EPHA6: variants seen among roughly 807,000 people sequenced by gnomAD.
EPHA6 encodes the protein ephrin type-A receptor 6.
In EPHA6, 50 loss-of-function variants were observed where a neutral mutation model predicts 112.0. The ratio of observed to expected loss-of-function variants is 0.45; its 90% CI spans 0.36 to 0.56. EPHA6 has a LOEUF of 0.56. EPHA6 is among the 20% of genes least tolerant of loss of function. The probability of loss-of-function intolerance (pLI) is 0.00; values close to 1 mark genes in which losing one functional copy is unlikely to be tolerated. For synonymous variants in EPHA6, 529 were observed against 490.7 expected (o/e 1.08, Z -1.03); for missense variants, 1,280 against 1,417.4 (o/e 0.90, Z 1.56).
chr3:97,716,525 G>C (rs1228554394), intron 14 of EPHA6, among the ~76,000 whole-genome samples: 1 of 115,996 alleles, frequency 8.6e-6, no homozygotes, highest in Non-Finnish European at 1.5e-5. Context: ...CCGAGATTGC[G>C]CCACTGCAGT....
chr3:97,514,395 A>G (rs891056651), intron 10 of EPHA6, among the ~76,000 whole-genome samples: 14 of 152,170 alleles, frequency 9.2e-5, no homozygotes, highest in African/African-American at 3.4e-4. Flanking sequence ...CGCTGAACCT[A>G]CTTGGATAAT....
chr3:97,158,815 G>T (rs747108768), intron 3 of EPHA6, among the ~76,000 whole-genome samples: 16 of 152,142 alleles, frequency 1.1e-4, no homozygotes, highest in Non-Finnish European at 2.1e-4. Context: ...TGGGCTGGAG[G>T]TGACTGCACC....
intron 1 of EPHA6, among the ~76,000 whole-genome samples, chr3:96,829,983 A>ACG (rs2033948044): frequency 7.2e-6 from 1 of 139,058 alleles, no homozygotes; most frequent in Non-Finnish European, 1.6e-5. Context: ...ACACACACAC[A>ACG]CACACAGAAA....
intron 2 of EPHA6, among the ~76,000 whole-genome samples, chr3:96,974,245 CAT>C (rs913839847): frequency 2.7e-5 from 4 of 147,310 alleles, no homozygotes; most frequent in African/African-American, 9.9e-5. Context: ...ATTATTATAA[CAT>C]AAAATTTTAA....
At chr3:97,726,886 G>T (rs2034795161) in intron 15 of EPHA6, among the ~76,000 whole-genome samples, 1 of 151,938 alleles carries the variant, frequency 6.6e-6, no homozygotes, top group African/African-American at 2.4e-5. Context: ...TCCCCACAGA[G>T]CTCATATGTA....
At chr3:97,470,991 T>C (rs971896295) in intron 7 of EPHA6, among the ~76,000 whole-genome samples, 3 of 151,652 alleles carry the variant, frequency 2.0e-5, no homozygotes, top group Admixed American at 6.6e-5. Context: ...GAGTAAACGA[T>C]ACATTTTTCT....
chr3:97,170,081 G>A (rs910449833), intron 3 of EPHA6, among the ~76,000 whole-genome samples: 3 of 150,532 alleles, frequency 2.0e-5, no homozygotes, highest in Admixed American at 1.3e-4. Flanking sequence ...GTATGCCTAT[G>A]TAACAAACCT....
At chr3:96,932,750 A>T (rs1025671593) in intron 2 of EPHA6, among the ~76,000 whole-genome samples, 3 of 152,202 alleles carry the variant, frequency 2.0e-5, no homozygotes, top group Admixed American at 6.5e-5. Context: ...GTTCACCACC[A>T]TCTCTAAAAT....
At chr3:97,273,217 T>C (rs1465747574) in intron 5 of EPHA6, among the ~76,000 whole-genome samples, 2 of 152,000 alleles carry the variant, frequency 1.3e-5, no homozygotes, top group South Asian at 4.2e-4. Context: ...AATTAGAGAG[T>C]GCCTAAGGAG....
At chr3:97,469,900 G>A (rs944063695) in intron 7 of EPHA6, among the ~76,000 whole-genome samples, 2 of 151,688 alleles carry the variant, frequency 1.3e-5, no homozygotes, top group Non-Finnish European at 3.0e-5. Flanking sequence ...CCTCACAGTA[G>A]GCTGTGTCAC....
At chr3:96,819,756 C>T (rs572323496) in intron 1 of EPHA6, among the ~76,000 whole-genome samples, 102 of 151,814 alleles carry the variant, frequency 6.7e-4, no homozygotes, top group Non-Finnish European at 1.1e-3. Context: ...GACATTTAAA[C>T]AAACTGAAGA....
At chr3:97,200,532 C>T (rs992918487) in intron 3 of EPHA6, among the ~76,000 whole-genome samples, 1 of 152,078 alleles carries the variant, frequency 6.6e-6, no homozygotes, top group Non-Finnish European at 1.5e-5. Flanking sequence ...GTGGTTTCAA[C>T]CTGGCAACCT....
chr3:97,113,837 A>T (rs1479330015), intron 3 of EPHA6, among the ~76,000 whole-genome samples: 1 of 152,110 alleles, frequency 6.6e-6, no homozygotes, highest in Non-Finnish European at 1.5e-5. Flanking sequence ...CTTTTTTCTT[A>T]TAATTCAGCT....
intron 3 of EPHA6, among the ~76,000 whole-genome samples, chr3:97,224,923 A>ATT: frequency 6.9e-6 from 1 of 145,344 alleles, no homozygotes; most frequent in East Asian, 2.0e-4. Flanking sequence ...TTTTTGACTG[A>ATT]TTTTTTTTTT....
At chr3:97,741,404 G>T (rs2035500110) in intron 16 of EPHA6, among the ~76,000 whole-genome samples, 1 of 151,864 alleles carries the variant, frequency 6.6e-6, no homozygotes, top group African/African-American at 2.4e-5. Flanking sequence ...TCTGGCACAA[G>T]ATCTTTATAA....
intron 4 of EPHA6, among the ~76,000 whole-genome samples, chr3:97,228,438 C>T (rs1465057144): frequency 6.6e-6 from 1 of 151,984 alleles, no homozygotes; most frequent in Non-Finnish European, 1.5e-5. Context: ...TCCTGAATTA[C>T]TTCACTTAGA....
chr3:97,015,899 A>G (rs182431567), intron 3 of EPHA6, among the ~76,000 whole-genome samples: 4 of 152,336 alleles, frequency 2.6e-5, no homozygotes, highest in South Asian at 2.1e-4. Flanking sequence ...TTTTTTAATT[A>G]TGAGAAAACA....
At chr3:97,079,671 T>C (rs1339518791) in intron 3 of EPHA6, among the ~76,000 whole-genome samples, 1 of 150,276 alleles carries the variant, frequency 6.7e-6, no homozygotes, top group East Asian at 1.9e-4. Context: ...GAAAAAGTTA[T>C]ACTGTGGGTA....
At chr3:97,226,457 C>T in intron 4 of EPHA6, 38 bp downstream of exon 4, 1 of 1,564,084 alleles carries the variant, frequency 6.4e-7, no homozygotes, top group East Asian at 2.3e-5. Flanking sequence ...ATTCTGTTTC[C>T]AACCCTTTTG....
Sources: allele counts gnomAD v4.1 joint callset (sites outside exome capture counted in the v4.1 genomes callset), GRCh38; gene constraint gnomAD v4.1.1; transcripts MANE v1.5; gene names NCBI Gene and HGNC (gene_info 2026-07-23, HGNC 2026-07-21).